Variants in DOCK4 observed in about 807,000 individuals in gnomAD.
DOCK4 encodes dedicator of cytokinesis 4, also known as dedicator of cytokinesis protein 4.
In DOCK4, 97 loss-of-function variants were observed where a neutral mutation model predicts 268.1. The observed-to-expected ratio is 0.36, with a 90% CI of 0.31 to 0.43. The LOEUF is 0.43. Among genes scored for constraint, DOCK4 ranks in the 20% least tolerant of loss-of-function variants. DOCK4 has a pLI of 1.00. For synonymous variants in DOCK4, 954 were observed against 887.2 expected (o/e 1.08, Z -1.34); for missense variants, 2,145 against 2,455.7 (o/e 0.87, Z 2.67).
chr7:111,743,618 C>T (rs1026353175), intron 44 of DOCK4, among the ~76,000 whole-genome samples: 4 of 152,128 alleles, frequency 2.6e-5, no homozygotes, highest in African/African-American at 9.7e-5. Flanking sequence ...CTTTTGTTCA[C>T]AGAATGTTGC....
At position 111,790,553 on chromosome 7, in the gene DOCK4, C is replaced by T; in HGVS notation, c.3219G>A (p.Val1073=). ...GAAGATCTGGCTGGGGTATCAAGGT[C>T]ACTTCTAGGAAGGGGCCAATCAGGG... ...IPALIGPFLE[V]TLIPQPDLRN... The change falls in exon 31 of 53, where the codon GTG becomes GTA. Residue 1073 remains valine (V), a synonymous_variant. Coordinates refer to ENST00000428084, the MANE Select transcript of DOCK4 (RefSeq NM_001363540.2). 1.9e-6 allele frequency: 3 copies of T among 1,613,892 alleles called. No homozygotes were observed. Among genetic ancestry groups the T allele is most frequent in the Non-Finnish European group, 2.5e-6 (3 of 1,179,856 alleles).
At chr7:112,126,376 A>G (rs1341751851) in intron 1 of DOCK4, among the ~76,000 whole-genome samples, 4 of 152,182 alleles carry the variant, frequency 2.6e-5, no homozygotes, top group African/African-American at 7.2e-5. Context: ...CCTACAGTTA[A>G]AATGGGTAAG....
chr7:111,846,145 C>T (rs1198929232), intron 24 of DOCK4, among the ~76,000 whole-genome samples: 1 of 152,158 alleles, frequency 6.6e-6, no homozygotes, highest in Non-Finnish European at 1.5e-5. Context: ...AGGTCCCATC[C>T]CACCTCACTG....
chr7:111,729,237 G>T (rs547927290), intron 52 of DOCK4, among the ~76,000 whole-genome samples: 12 of 152,166 alleles, frequency 7.9e-5, no homozygotes, highest in African/African-American at 2.2e-4. Flanking sequence ...TCAGTTCACC[G>T]CCCAGTTTAC....
rs759915117 is a variant in DOCK4 at position 111,728,500 on chromosome 7, G to A, written c.5702C>T (p.Pro1901Leu). The A allele has an allele frequency of 9.3e-6, 15 of 1,613,122 alleles. No homozygotes were observed. The highest frequency in any genetic ancestry group is 1.3e-5 in the African/African-American group (1 of 74,926). ...CGGAGTCTTGCTCTCCTTGCGCACT[G>A]GCTCCTCCCCGCCGTAGCTCGGCAC... ...VPVPSYGGEE[P>L]VRKESKTPPP... Residue 1901 changes from proline to leucine, a missense_variant, in exon 53 of 53, where the codon CCA becomes CTA. Around this residue, in one of 2 missense-constraint regions of DOCK4, gnomAD observed 547 missense variants for 469.0 expected, o/e 1.17. Transcript: ENST00000428084.
intron 1 of DOCK4, among the ~76,000 whole-genome samples, chr7:112,035,582 G>T (rs1407673931): frequency 6.6e-6 from 1 of 152,110 alleles, no homozygotes; most frequent in Non-Finnish European, 1.5e-5. Context: ...AAGGGGCAGA[G>T]GAAGTGAAAA....
At position 112,057,055 on chromosome 7, in the gene DOCK4, G is replaced by T. The variant is rs185022703; in HGVS notation, c.38-52924C>A. ...TATAAATTATAACAATGAGACAAAA[G>T]ATAATAACTTACTTGGAAACTTAAA... On this transcript the variant is annotated intron_variant, in intron 1 of 52. Coordinates refer to ENST00000428084, the MANE Select transcript of DOCK4 (RefSeq NM_001363540.2). Among the ~76,000 whole-genome samples the T allele has an allele frequency of 2.4e-4, 37 of 152,178 alleles. 1 individual carries two copies. In the East Asian group the frequency reaches 6.2e-3, roughly 25 times the overall value.
intron 23 of DOCK4, among the ~76,000 whole-genome samples, chr7:111,857,543 C>A (rs1805110647): frequency 6.6e-6 from 1 of 152,178 alleles, no homozygotes; most frequent in South Asian, 2.1e-4. Flanking sequence ...GCCTGATAAA[C>A]TGTTCAATTC....
intron 1 of DOCK4, among the ~76,000 whole-genome samples, chr7:112,192,943 A>G (rs1820108121): frequency 6.6e-6 from 1 of 152,164 alleles, no homozygotes; most frequent in South Asian, 2.1e-4. Context: ...TAAGGATAGT[A>G]GAAAAAGAAA....
At chr7:111,969,456 A>C (rs1348955442) in intron 8 of DOCK4, among the ~76,000 whole-genome samples, 1 of 151,658 alleles carries the variant, frequency 6.6e-6, no homozygotes, top group African/African-American at 2.4e-5. Context: ...AAACAAAAAA[A>C]CAGTGATTTG....
chr7:112,166,826 T>C (rs1586959538), intron 1 of DOCK4, among the ~76,000 whole-genome samples: 2 of 152,242 alleles, frequency 1.3e-5, no homozygotes, highest in South Asian at 4.1e-4. Flanking sequence ...TATATCTGTT[T>C]TAAATTCTTC....
chr7:112,026,287 G>A (rs557709172), intron 1 of DOCK4, among the ~76,000 whole-genome samples: 2 of 152,208 alleles, frequency 1.3e-5, no homozygotes, highest in African/African-American at 2.4e-5. Flanking sequence ...TCATAGGAGC[G>A]TGAACCCTAC....
intron 49 of DOCK4, 27 bp downstream of exon 49, chr7:111,739,107 C>G (rs772451167): frequency 3.2e-6 from 5 of 1,575,454 alleles, no homozygotes; most frequent in Non-Finnish European, 4.4e-6. Context: ...TCCTTGTTTT[C>G]TAGTTTCTCT....
chr7:111,840,863 C>G (rs1563575705), intron 25 of DOCK4: 1 of 1,349,840 alleles, frequency 7.4e-7, no homozygotes, highest in African/African-American at 1.5e-5. Context: ...ATTCAGAAAG[C>G]CTGTTCTCTG....
intron 1 of DOCK4, 23 bp from the exon 2 acceptor site, chr7:112,004,154 T>C (rs775782672): frequency 6.5e-7 from 1 of 1,533,402 alleles, no homozygotes; most frequent in Non-Finnish European, 8.9e-7. Flanking sequence ...ATAAAGAATA[T>C]ATGAAGACAA....
In DOCK4 at chr7:111,765,180, G is replaced by A. The variant is rs550574924; in HGVS notation, c.3958C>T (p.Arg1320Cys). The A allele has an allele frequency of 5.1e-6, 8 of 1,555,040 alleles. No homozygotes were observed. Among genetic ancestry groups the A allele is most frequent in the Middle Eastern group, 1.7e-4 (1 of 5,996 alleles). ...ACTCTGAAGAACTCTGGTTCAAGAC[G>A]TTGCTGGTCCATAATTTTGTCATAC... ...SLYDKIMDQQ[R>C]LEPEFFRVGF... The change falls in exon 39 of 53, where the codon CGT (arginine) becomes TGT (cysteine). Residue 1320 changes from arginine (R) to cysteine (C), a missense_variant. Coordinates refer to ENST00000428084, the MANE Select transcript of DOCK4 (RefSeq NM_001363540.2).
In DOCK4 at chr7:111,728,471, G is replaced by T. The variant is rs368887504; in HGVS notation, c.5731C>A (p.Pro1911Thr). The change falls in exon 53 of 53, where the codon CCG becomes ACG. Residue 1911 changes from proline (P) to threonine (T), a missense_variant. Around this residue, in one of 2 missense-constraint regions of DOCK4, gnomAD observed 547 missense variants for 469.0 expected, o/e 1.17. Transcript: ENST00000428084. The part of the protein sequence containing the change: ...PVRKESKTPP[P>T]YSVYERTLRR... ...AGAGTCCGCTCGTAGACGCTGTACG[G>T]GGGCGGAGTCTTGCTCTCCTTGCGC... The T allele has an allele frequency of 1.2e-6, 2 of 1,611,674 alleles. No individual in the cohort carries two copies. The highest frequency in any genetic ancestry group is 1.7e-6 in the Non-Finnish European group (2 of 1,179,064).
intron 32 of DOCK4, 154 bp from the exon 33 acceptor site, chr7:111,784,277 T>C: frequency 1.1e-6 from 1 of 881,652 alleles, no homozygotes; most frequent in South Asian, 1.4e-5. Context: ...TAACAGAGGC[T>C]TGCGTCTTAC....
At chr7:111,917,630 C>T (rs192469802) in intron 12 of DOCK4, among the ~76,000 whole-genome samples, 8 of 151,314 alleles carry the variant, frequency 5.3e-5, no homozygotes, top group East Asian at 2.0e-4. Flanking sequence ...GGCGTGGGCC[C>T]GGGAGGTGGA....
Sources: gnomAD v4.1 joint callset for allele counts (sites outside exome capture counted in the v4.1 genomes callset) on GRCh38, gnomAD v4.1.1 for gene constraint, gnomAD v4.1.1 regional missense constraint, MANE v1.5 for transcripts, NCBI Gene and HGNC (gene_info 2026-07-23, HGNC 2026-07-21) for gene names.